CALN1: variants seen among roughly 807,000 people sequenced by gnomAD.
CALN1 encodes calneuron 1.
Under a neutral mutation model 30.6 loss-of-function variants are expected in CALN1, and 17 were observed. The observed-to-expected ratio is 0.56, with a 90% confidence interval of 0.38 to 0.83. CALN1 has a LOEUF of 0.83. Ranked by LOEUF, CALN1 falls within the 40% of genes least tolerant of loss-of-function variation. The pLI, the probability that CALN1 is intolerant of heterozygous loss-of-function variation, is 0.00. For synonymous variants in CALN1, 156 were observed against 131.4 expected (o/e 1.19, Z -1.28); for missense variants, 291 against 354.9 (o/e 0.82, Z 1.45).
chr7:72,410,088 CATAT>C (rs1271363079), intron 1 of CALN1, among the ~76,000 whole-genome samples: 32 of 152,206 alleles, frequency 2.1e-4, no homozygotes, highest in African/African-American at 7.7e-4. Context: ...CGGGTCATGC[CATAT>C]GGTGTGTAAT....
At chr7:72,465,022 G>A in the CALN1 span, among the ~76,000 whole-genome samples, 2 of 152,044 alleles carry the variant, frequency 1.3e-5, no homozygotes, top group Admixed American at 1.3e-4. Context: ...AACACCCACT[G>A]GTATGCTCAG....
intron 3 of CALN1, among the ~76,000 whole-genome samples, chr7:72,179,389 C>CT (rs1789594894): frequency 6.6e-6 from 1 of 152,142 alleles, no homozygotes; most frequent in South Asian, 2.1e-4. Context: ...GCAAATACAT[C>CT]TGCCCCCAAA....
chr7:71,977,289 C>T (rs1206766136), intron 5 of CALN1, among the ~76,000 whole-genome samples: 1 of 152,064 alleles, frequency 6.6e-6, no homozygotes, highest in Admixed American at 6.6e-5. Flanking sequence ...AAAAAATCAG[C>T]TGGCACAGCG....
At chr7:71,790,329 G>GGAAA (rs143453887) in intron 6 of CALN1, among the ~76,000 whole-genome samples, 11 of 98,782 alleles carry the variant, frequency 1.1e-4, no homozygotes, top group African/African-American at 3.7e-4. Context: ...AAAGAAAGAA[G>GGAAA]GAAAGAAAGA....
intron 2 of CALN1, among the ~76,000 whole-genome samples, chr7:72,391,760 C>T (rs973481413): frequency 2.6e-5 from 4 of 152,124 alleles, no homozygotes; most frequent in African/African-American, 9.7e-5. Flanking sequence ...TAAGACATGC[C>T]TTTCACCTTC....
chr7:72,265,654 A>C (rs568226210), intron 3 of CALN1, among the ~76,000 whole-genome samples: 9 of 152,236 alleles, frequency 5.9e-5, no homozygotes, highest in African/African-American at 1.4e-4. Flanking sequence ...TATGACTGAG[A>C]TAAACACGTG....
At chr7:71,838,328 T>G (rs1407351876) in intron 5 of CALN1, among the ~76,000 whole-genome samples, 1 of 152,234 alleles carries the variant, frequency 6.6e-6, no homozygotes, top group Non-Finnish European at 1.5e-5. Flanking sequence ...CAGGAAAATC[T>G]TTTCTCATGG....
chr7:72,305,119 G>GTC (rs1799562471), intron 2 of CALN1, among the ~76,000 whole-genome samples: 3 of 152,180 alleles, frequency 2.0e-5, no homozygotes, highest in Non-Finnish European at 4.4e-5. Flanking sequence ...CGTGTTAACA[G>GTC]CTGGCTGTGT....
chr7:71,907,079 G>A (rs532044426), intron 5 of CALN1, among the ~76,000 whole-genome samples: 430 of 152,270 alleles, frequency 2.8e-3, no homozygotes, highest in Non-Finnish European at 5.1e-3. Flanking sequence ...CTGAACATGG[G>A]GGAGCCATTC....
intron 4 of CALN1, among the ~76,000 whole-genome samples, chr7:72,081,632 G>A (rs2129538799): frequency 6.6e-6 from 1 of 152,120 alleles, no homozygotes; most frequent in Middle Eastern, 3.4e-3. Flanking sequence ...AGGTTGCCCA[G>A]GCTGGTTTCA....
intron 3 of CALN1, among the ~76,000 whole-genome samples, chr7:72,150,872 T>TG (rs1554456496): frequency 6.6e-6 from 1 of 150,424 alleles, no homozygotes; most frequent in Non-Finnish European, 1.5e-5. Flanking sequence ...GCTGTGATGA[T>TG]ATGATGATGA....
intron 2 of CALN1, among the ~76,000 whole-genome samples, chr7:72,299,219 C>CA (rs1032424732): frequency 2.0e-5 from 3 of 152,024 alleles, no homozygotes; most frequent in East Asian, 1.9e-4. Flanking sequence ...TCTTATACTC[C>CA]AAAAAAACCC....
intron 6 of CALN1, among the ~76,000 whole-genome samples, chr7:71,789,996 T>C (rs1584215395): frequency 6.6e-6 from 1 of 151,718 alleles, no homozygotes. Context: ...CCCAGCTAGT[T>C]GGGAGGCTGA....
intron 6 of CALN1, among the ~76,000 whole-genome samples, chr7:71,806,653 T>A (rs1787640022): frequency 6.6e-6 from 1 of 152,154 alleles, no homozygotes; most frequent in African/African-American, 2.4e-5. Flanking sequence ...AACATTAAGT[T>A]TTCCCTTTGA....
chr7:71,991,145 AGC>A (rs763800169), intron 5 of CALN1, among the ~76,000 whole-genome samples: 81 of 152,114 alleles, frequency 5.3e-4, no homozygotes, highest in Non-Finnish European at 1.1e-3. Flanking sequence ...ACAAAACGAA[AGC>A]ATAAGCAAGA....
intron 3 of CALN1, among the ~76,000 whole-genome samples, chr7:72,133,999 TGGCATTAAAA>T (rs1054589133): frequency 2.0e-4 from 31 of 152,328 alleles, no homozygotes; most frequent in African/African-American, 6.0e-4. Context: ...CCCATTGTGG[TGGCATTAAAA>T]GGCATTAAAA....
At chr7:71,795,090 T>C (rs1324736887) in intron 6 of CALN1, among the ~76,000 whole-genome samples, 2 of 152,154 alleles carry the variant, frequency 1.3e-5, no homozygotes, top group African/African-American at 4.8e-5. Flanking sequence ...TGGCACGATA[T>C]TGGCTCGCTG....
intron 1 of CALN1, among the ~76,000 whole-genome samples, chr7:72,418,615 T>C (rs1562961939): frequency 6.6e-6 from 1 of 150,986 alleles, no homozygotes; most frequent in Admixed American, 6.6e-5. Flanking sequence ...CTCTGTAGCT[T>C]CCCCGCCCCG....
chr7:72,126,424 G>A (rs1808769361), intron 3 of CALN1, among the ~76,000 whole-genome samples: 1 of 135,408 alleles, frequency 7.4e-6, no homozygotes, highest in South Asian at 2.2e-4. Flanking sequence ...AGGCTTGTTG[G>A]CTGCTATAAA....
Sources: allele counts gnomAD v4.1 joint callset (sites outside exome capture counted in the v4.1 genomes callset), GRCh38; gene constraint gnomAD v4.1.1; transcripts MANE v1.5; gene names NCBI Gene and HGNC (gene_info 2026-07-23, HGNC 2026-07-21).